Variants in NRXN3 observed in about 807,000 individuals in gnomAD.
NRXN3 encodes neurexin 3, also known as neurexin III.
A neutral mutation model predicts 137.6 loss-of-function variants in NRXN3; 32 were observed. The observed-to-expected ratio is 0.23, with a 90% CI of 0.18 to 0.31. The LOEUF (loss-of-function observed/expected upper bound fraction) is 0.31. NRXN3 is among the 10% of genes least tolerant of loss of function. The pLI, the probability that NRXN3 is intolerant of heterozygous loss-of-function variation, is 1.00. For missense variants in NRXN3, 1,574 were observed against 2,062.5 expected (o/e 0.76, Z 4.59); for synonymous variants, 798 against 784.5 (o/e 1.02, Z -0.29).
chr14:79,683,014 C>T (rs906054677), intron 17 of NRXN3, among the ~76,000 whole-genome samples: 8 of 152,068 alleles, frequency 5.3e-5, no homozygotes, highest in Non-Finnish European at 1.0e-4. Context: ...ACCCCTCACA[C>T]GGTGAGGAAA....
At chr14:79,290,603 A>T (rs962550401) in intron 15 of NRXN3, among the ~76,000 whole-genome samples, 1 of 148,160 alleles carries the variant, frequency 6.7e-6, no homozygotes, top group Admixed American at 6.8e-5. Flanking sequence ...ATATTCATGG[A>T]TGTGGTAGCA....
At chr14:78,970,675 G>A (rs1169721238) in intron 14 of NRXN3, among the ~76,000 whole-genome samples, 1 of 152,202 alleles carries the variant, frequency 6.6e-6, no homozygotes, top group Non-Finnish European at 1.5e-5. Context: ...AGCAGTAAGA[G>A]CATCAGCAAA....
At chr14:78,809,823 T>A (rs143881415) in intron 9 of NRXN3, among the ~76,000 whole-genome samples, 1 of 150,976 alleles carries the variant, frequency 6.6e-6, no homozygotes, top group East Asian at 1.9e-4. Context: ...GTCAGACTGG[T>A]GATATGTCTT....
rs114581317 is a variant in NRXN3 at position 79,316,516 on chromosome 14, C to T, written c.3263-150705C>T. ...AATTGTGGAAAGAGGGGAAAGGGAC[C>T]GGATGATCGGTGGTAAGGGTATGTT... On this transcript the variant is annotated intron_variant, in intron 15 of 20. Coordinates refer to ENST00000335750, the MANE Select transcript of NRXN3 (RefSeq NM_001330195.2). 4.8e-3 allele frequency among the ~76,000 whole-genome samples: 731 copies of T among 152,232 alleles called. 5 individuals carry two copies. Among genetic ancestry groups the T allele is most frequent in the African/African-American group, 0.017 (689 of 41,532 alleles).
chr14:79,271,167 C>G (rs746158459), intron 15 of NRXN3, among the ~76,000 whole-genome samples: 5 of 152,144 alleles, frequency 3.3e-5, no homozygotes, highest in Non-Finnish European at 5.9e-5. Flanking sequence ...AAATGGTAGT[C>G]TCTTAAATTG....
At chr14:78,586,522 A>G (rs888723956) in intron 4 of NRXN3, among the ~76,000 whole-genome samples, 4 of 152,222 alleles carry the variant, frequency 2.6e-5, no homozygotes, top group Non-Finnish European at 5.9e-5. Context: ...TCCAGTAAGT[A>G]TTCAGTAAAT....
chr14:79,445,075 C>T (rs985785796), intron 15 of NRXN3, among the ~76,000 whole-genome samples: 6 of 152,164 alleles, frequency 3.9e-5, no homozygotes, highest in African/African-American at 1.2e-4. Context: ...GCAGTGGTGG[C>T]TCATGCCTGT....
chr14:79,308,826 T>C (rs915043000), intron 15 of NRXN3, among the ~76,000 whole-genome samples: 9 of 146,126 alleles, frequency 6.2e-5, no homozygotes, highest in African/African-American at 1.5e-4. Flanking sequence ...TTGTTCCTCA[T>C]CAGCACAGGG....
chr14:79,455,803 A>G (rs1043318680), intron 15 of NRXN3, among the ~76,000 whole-genome samples: 1 of 151,758 alleles, frequency 6.6e-6, no homozygotes, highest in African/African-American at 2.4e-5. Flanking sequence ...CATTTTAAAG[A>G]GCAAACTTTG....
At chr14:78,611,505 G>A (rs1233139858) in intron 4 of NRXN3, among the ~76,000 whole-genome samples, 3 of 151,084 alleles carry the variant, frequency 2.0e-5, no homozygotes, top group Non-Finnish European at 4.4e-5. Context: ...TTTGCATGAT[G>A]ACTTACAAGT....
intron 8 of NRXN3, among the ~76,000 whole-genome samples, chr14:78,759,904 G>A (rs1240128072): frequency 6.6e-6 from 1 of 152,112 alleles, no homozygotes; most frequent in Non-Finnish European, 1.5e-5. Flanking sequence ...TAAAGCCACA[G>A]CATTTCTAGA....
chr14:79,437,657 A>G (rs923927183), intron 15 of NRXN3, among the ~76,000 whole-genome samples: 6 of 152,164 alleles, frequency 3.9e-5, no homozygotes, highest in African/African-American at 1.4e-4. Context: ...GCCGAACCTC[A>G]CAGATAATCC....
chr14:79,831,599 A>C (rs2099323870), intron 20 of NRXN3, among the ~76,000 whole-genome samples: 1 of 152,128 alleles, frequency 6.6e-6, no homozygotes, highest in Non-Finnish European at 1.5e-5. Context: ...GTATGCCTGG[A>C]GAAAGCTATT....
Position 79,550,857 on chromosome 14 carries a change from G to A in NRXN3, c.3444+83455G>A, listed in dbSNP as rs1347273806. 1.3e-5 allele frequency among the ~76,000 whole-genome samples: 2 copies of A among 152,078 alleles called. 1 individual carries two copies. The highest frequency in any genetic ancestry group is 2.9e-5 in the Non-Finnish European group (2 of 68,008). ...TATCTACTTTATAGGGCTGTTCTGG[G>A]GATTAAATTAGTTAATATTTATAAA... On this transcript the variant is annotated intron_variant, in intron 16 of 20. Coordinates refer to ENST00000335750, the MANE Select transcript of NRXN3 (RefSeq NM_001330195.2).
At chr14:79,541,591 C>T (rs1173805481) in intron 16 of NRXN3, among the ~76,000 whole-genome samples, 1 of 152,096 alleles carries the variant, frequency 6.6e-6, no homozygotes, top group Non-Finnish European at 1.5e-5. Context: ...GAGCTATAGG[C>T]CTGATGAGGT....
At chr14:78,997,427 A>G (rs2099532286) in intron 15 of NRXN3, among the ~76,000 whole-genome samples, 1 of 152,126 alleles carries the variant, frequency 6.6e-6, no homozygotes. Context: ...CTTAGAGCCT[A>G]TTGCTTCACG....
At chr14:78,573,644 G>T (rs984306121) in intron 4 of NRXN3, among the ~76,000 whole-genome samples, 1 of 152,312 alleles carries the variant, frequency 6.6e-6, no homozygotes, top group African/African-American at 2.4e-5. Flanking sequence ...TTCAAGAGGT[G>T]ACTTGGGTGT....
At chr14:78,868,194 T>C (rs1414845897) in intron 10 of NRXN3, among the ~76,000 whole-genome samples, 1 of 151,916 alleles carries the variant, frequency 6.6e-6, no homozygotes, top group African/African-American at 2.4e-5. Context: ...ATAGGCAAAA[T>C]TGTTTCTAAA....
intron 4 of NRXN3, among the ~76,000 whole-genome samples, chr14:78,617,307 T>TC (rs1273364881): frequency 6.6e-6 from 1 of 152,144 alleles, no homozygotes; most frequent in Non-Finnish European, 1.5e-5. Flanking sequence ...CAGGAGAGAA[T>TC]ACACATCTCC....
Sources: gnomAD v4.1 joint callset for allele counts (sites outside exome capture counted in the v4.1 genomes callset) on GRCh38, gnomAD v4.1.1 for gene constraint, MANE v1.5 for transcripts, NCBI Gene and HGNC (gene_info 2026-07-23, HGNC 2026-07-21) for gene names.